UGGT2: variants seen among roughly 807,000 people sequenced by gnomAD.
The protein encoded by UGGT2 is UDP-glucose glycoprotein glucosyltransferase 2.
In UGGT2, 180 loss-of-function variants were observed where a neutral mutation model predicts 192.1. That is an observed-to-expected ratio of 0.94 (90% CI 0.83 to 1.06). The LOEUF (loss-of-function observed/expected upper bound fraction) is 1.06. UGGT2 is among the 50% of genes least tolerant of loss of function. The pLI is 0.00. For synonymous variants in UGGT2, 580 were observed against 591.0 expected, an observed-to-expected ratio of 0.98 and a Z score of 0.27; for missense variants, 1,849 against 1,795.7, an observed-to-expected ratio of 1.03 and a Z score of -0.54.
At chr13:95,921,252 A>C (rs1432106072) in intron 20 of UGGT2, among the ~76,000 whole-genome samples, 1 of 151,506 alleles carries the variant, frequency 6.6e-6, no homozygotes, top group Non-Finnish European at 1.5e-5. Flanking sequence ...TGCAGGGCTT[A>C]GTATCTAGGC....
intron 5 of UGGT2, among the ~76,000 whole-genome samples, chr13:96,005,030 CAA>C (rs2051929281): frequency 6.6e-6 from 1 of 151,954 alleles, no homozygotes; most frequent in African/African-American, 2.4e-5. Flanking sequence ...TAATGGAAAA[CAA>C]AATAATCTTC....
chr13:95,932,311 TTGTGTGTGTGTGTGTGTGTG>T (rs67135742), intron 17 of UGGT2, among the ~76,000 whole-genome samples: 4 of 139,508 alleles, frequency 2.9e-5, no homozygotes, highest in South Asian at 4.8e-4. Flanking sequence ...GGTATTTTAT[TTGTGTGTGTGTGTGTGTGTG>T]TGTGTGTGTG....
intron 36 of UGGT2, among the ~76,000 whole-genome samples, chr13:95,852,473 A>G (rs186308436): frequency 6.6e-6 from 1 of 152,250 alleles, no homozygotes; most frequent in East Asian, 1.9e-4. Flanking sequence ...TCATGCTTTC[A>G]TGGTTTTTCT....
intron 4 of UGGT2, among the ~76,000 whole-genome samples, chr13:96,019,566 T>C (rs1398601797): frequency 6.6e-6 from 1 of 152,118 alleles, no homozygotes; most frequent in Non-Finnish European, 1.5e-5. Context: ...TTTGTCTCTA[T>C]TCACACTTAT....
intron 37 of UGGT2, among the ~76,000 whole-genome samples, 191 bp downstream of exon 37, chr13:95,836,895 A>C (rs1297891446): frequency 6.6e-6 from 1 of 152,236 alleles, no homozygotes; most frequent in African/African-American, 2.4e-5. Context: ...GTGAATCATC[A>C]AACCTCAGGG....
intron 34 of UGGT2, among the ~76,000 whole-genome samples, chr13:95,855,684 T>A (rs1889538193): frequency 6.6e-6 from 1 of 152,088 alleles, no homozygotes; most frequent in African/African-American, 2.4e-5. Flanking sequence ...CTGGCCAAAT[T>A]TAAAATGCTC....
intron 17 of UGGT2, 132 bp from the exon 18 acceptor site, chr13:95,927,468 T>TTA: frequency 6.5e-6 from 2 of 307,816 alleles, no homozygotes; most frequent in Non-Finnish European, 1.0e-5. Flanking sequence ...TACATTTTCT[T>TTA]TCTTTTTTTT....
chr13:95,911,244 G>A (rs778949289), intron 20 of UGGT2, among the ~76,000 whole-genome samples: 2 of 152,088 alleles, frequency 1.3e-5, no homozygotes, highest in South Asian at 2.1e-4. Flanking sequence ...GATCAGAGCA[G>A]AACTGAAGGA....
At chr13:95,832,891 G>A (rs770234170) in intron 38 of UGGT2, 36 bp downstream of exon 38, 32 of 1,605,238 alleles carry the variant, frequency 2.0e-5, no homozygotes, top group East Asian at 6.7e-5. Context: ...TTAATGCAAC[G>A]CATGTTTCAG....
At chr13:95,852,026 C>A (rs1889103057) in intron 36 of UGGT2, among the ~76,000 whole-genome samples, 1 of 152,038 alleles carries the variant, frequency 6.6e-6, no homozygotes, top group South Asian at 2.1e-4. Context: ...AGTGAAGAGA[C>A]CCTATTTAGT....
At chr13:95,960,340 T>C (rs1004444007) in intron 12 of UGGT2, among the ~76,000 whole-genome samples, 13 of 151,912 alleles carry the variant, frequency 8.6e-5, no homozygotes, top group Non-Finnish European at 1.3e-4. Flanking sequence ...TCCAAAAATA[T>C]CAGAAAAACA....
intron 8 of UGGT2, chr13:95,989,547 G>C (rs763576973): frequency 7.6e-6 from 3 of 394,724 alleles, no homozygotes; most frequent in South Asian, 5.6e-5. Flanking sequence ...TCCTCCATTT[G>C]ATGTTTCCAT....
intron 17 of UGGT2, among the ~76,000 whole-genome samples, chr13:95,929,093 CTGAGGCAGGA>C (rs2049150880): frequency 6.6e-6 from 1 of 152,084 alleles, no homozygotes; most frequent in African/African-American, 2.4e-5. Context: ...ACTAGGCAGG[CTGAGGCAGGA>C]GAATCAGGCA....
chr13:96,007,129 A>G (rs1323153696), intron 5 of UGGT2, among the ~76,000 whole-genome samples: 1 of 152,244 alleles, frequency 6.6e-6, no homozygotes, highest in African/African-American at 2.4e-5. Flanking sequence ...GGGATACAGG[A>G]TAGTTCAATA....
chr13:95,992,413 TA>T (rs1362289747), intron 7 of UGGT2, among the ~76,000 whole-genome samples: 1 of 152,226 alleles, frequency 6.6e-6, no homozygotes, highest in Non-Finnish European at 1.5e-5. Context: ...CCTCCTTGGT[TA>T]AATGTATTCC....
At chr13:95,813,268 A>T (rs544923722) in intron 38 of UGGT2, among the ~76,000 whole-genome samples, 2 of 152,324 alleles carry the variant, frequency 1.3e-5, no homozygotes, top group East Asian at 3.9e-4. Flanking sequence ...AATGGTCGTG[A>T]CCAAAATGCT....
At chr13:95,846,614 T>A (rs1888491026) in intron 36 of UGGT2, among the ~76,000 whole-genome samples, 1 of 152,214 alleles carries the variant, frequency 6.6e-6, no homozygotes, top group South Asian at 2.1e-4. Flanking sequence ...TATTCCCTTC[T>A]CTTCAATTTT....
chr13:95,949,275 C>A lies in UGGT2; in HGVS notation c.1455+60G>T, dbSNP rs545105734. ...GCCTATTCATTGACAGAAGGATAAT[C>A]CAGAAAGAATGCTGATATCTTTATA... On this transcript the variant is annotated intron_variant, in intron 13 of 38. Coordinates refer to ENST00000376747, the MANE Select transcript of UGGT2 (RefSeq NM_020121.4). The A allele has an allele frequency of 5.8e-5, 78 of 1,348,840 alleles. No homozygotes were observed. In the South Asian group the frequency reaches 1.5e-3, roughly 25 times the overall value. 83.6% of individuals were successfully genotyped at this position (1,348,840 alleles called of 1,614,324 possible).
At chr13:96,044,135 A>C (rs761970530) in intron 1 of UGGT2, among the ~76,000 whole-genome samples, 4 of 152,204 alleles carry the variant, frequency 2.6e-5, no homozygotes, top group Non-Finnish European at 5.9e-5. Flanking sequence ...AACCTCAATA[A>C]ATTTAAGAAA....
Sources: allele counts gnomAD v4.1 joint callset (sites outside exome capture counted in the v4.1 genomes callset), GRCh38; gene constraint gnomAD v4.1.1; transcripts MANE v1.5; gene names NCBI Gene and HGNC (gene_info 2026-07-23, HGNC 2026-07-21).